NOS1: variants seen among roughly 807,000 people sequenced by gnomAD.
NOS1 encodes nitric oxide synthase 1.
NOS1 carries 51 observed loss-of-function variants against 164.5 expected under a neutral mutation model. The observed-to-expected ratio is 0.31, with a 90% CI of 0.25 to 0.39. The LOEUF is 0.39. Ranked by LOEUF, NOS1 falls within the 10% of genes least tolerant of loss-of-function variation. NOS1 has a pLI of 1.00. For synonymous variants in NOS1, 719 were observed against 745.8 expected, an observed-to-expected ratio of 0.96 and a Z score of 0.59; for missense variants, 1,362 against 1,885.6, an observed-to-expected ratio of 0.72 and a Z score of 5.14.
chr12:117,209,072 G>C lies in NOS1; in HGVS notation c.*6237C>G. 1 of 985,280 alleles carries C rather than the reference G, an allele frequency of 1.0e-6. No homozygotes were observed. Among genetic ancestry groups the C allele is most frequent in the Non-Finnish European group, 1.2e-6 (1 of 829,924 alleles). 61.0% of individuals were successfully genotyped at this position (985,280 alleles called of 1,614,324 possible). ...TGCCCTCCCCATGCCCCCTCCCCCGGACACCCTCAAATCCCACTTTGGCAG... is the reference window on the plus strand; with the variant it reads ...TGCCCTCCCCATGCCCCCTCCCCCGCACACCCTCAAATCCCACTTTGGCAG... On this transcript the variant is annotated 3_prime_UTR_variant, in exon 29 of 29. Coordinates refer to ENST00000317775, the MANE Select transcript of NOS1 (RefSeq NM_000620.5).
Position 117,235,385 on chromosome 12 carries a change from C to A in NOS1, c.3042-627G>T, listed in dbSNP as rs969473040. Among the ~76,000 whole-genome samples the A allele has an allele frequency of 2.6e-5, 4 of 152,112 alleles. No homozygotes were observed. In the East Asian group the frequency reaches 7.7e-4, roughly 29 times the overall value. ...GGATTCTAGCACCCCATTCTCAGTA[C>A]TAATAGGGGTTCTCTCAGTGTCTAG... On this transcript the variant is annotated intron_variant, in intron 20 of 28. Coordinates refer to ENST00000317775, the MANE Select transcript of NOS1 (RefSeq NM_000620.5).
intron 3 of NOS1, among the ~76,000 whole-genome samples, chr12:117,295,222 C>T (rs1436865991): frequency 6.6e-6 from 1 of 152,230 alleles, no homozygotes; most frequent in Non-Finnish European, 1.5e-5. Flanking sequence ...CAGAGATCTG[C>T]AGACGGCGTG....
rs1362877892 is a variant in NOS1 at position 117,268,117 on chromosome 12, T to C, written c.1867A>G (p.Met623Val). 6 of 1,613,894 alleles carry C rather than the reference T, an allele frequency of 3.7e-6. No homozygotes were observed. The East Asian group carries it at 6.7e-5, about 18-fold the overall frequency. The part of the protein sequence containing the change: ...EEVAKKMNLD[M>V]RKTSSLWKDQ... ...TTCCACAGGGAGGACGTCTTCCTCA[T>C]GTCTAAGTTCATCTTCTTGGCCACT... The change falls in exon 11 of 29, where the codon ATG becomes GTG. Residue 623 changes from methionine (M) to valine (V), a missense_variant. Transcript: ENST00000317775.
chr12:117,325,132 A>G (rs2136069088), intron 2 of NOS1, among the ~76,000 whole-genome samples: 1 of 152,240 alleles, frequency 6.6e-6, no homozygotes, highest in East Asian at 1.9e-4. Context: ...CTGTCACCCA[A>G]GTCAGTGGGT....
intron 3 of NOS1, among the ~76,000 whole-genome samples, chr12:117,305,411 C>T (rs1434295563): frequency 2.7e-5 from 4 of 149,038 alleles, no homozygotes; most frequent in Non-Finnish European, 5.9e-5. Flanking sequence ...TTGCAGTGAG[C>T]GGAGATCGCG....
chr12:117,272,648 T>C lies in NOS1; in HGVS notation c.1665-89A>G, dbSNP rs1444278323. On this transcript the variant is annotated intron_variant, in intron 9 of 28. Transcript: ENST00000317775. The surrounding 1 kb of genome is among the most constrained non-coding windows in gnomAD (Gnocchi z 4.3). ...TCTAGAGATGCTGAAATGCCAAGGA[T>C]GGACTGGGACTGACAAGGTCAGAAT... 1 of 1,288,702 alleles carries C rather than the reference T, an allele frequency of 7.8e-7. No homozygotes were observed. Among genetic ancestry groups the C allele is most frequent in the African/African-American group, 1.5e-5 (1 of 67,700 alleles). 79.8% of individuals were successfully genotyped at this position (1,288,702 alleles called of 1,614,324 possible).
Position 117,247,352 on chromosome 12 carries a change from A to G in NOS1, c.2819T>C (p.Phe940Ser). The change falls in exon 18 of 29, where the codon TTC (phenylalanine) becomes TCC (serine). Residue 940 changes from phenylalanine to serine, a missense_variant. Physicochemically the swap from Phe to Ser is radical, Grantham distance 155. Coordinates refer to ENST00000317775, the MANE Select transcript of NOS1 (RefSeq NM_000620.5). ...GGTCCATGAGATCCAGATTACCTTGAAGACCTTCTTGGCCCAGGTCCTGAA... is the reference window on the plus strand; with the variant it reads ...GGTCCATGAGATCCAGATTACCTTGGAGACCTTCTTGGCCCAGGTCCTGAA... ...EAFRTWAKKV[F>S]KAACDVFCVG... The G allele has an allele frequency of 6.3e-7, 1 of 1,598,744 alleles. No individual in the cohort carries two copies. Among genetic ancestry groups the G allele is most frequent in the Non-Finnish European group, 8.5e-7 (1 of 1,173,108 alleles).
chr12:117,324,587 C>T (rs1234339493), intron 2 of NOS1, among the ~76,000 whole-genome samples: 1 of 152,112 alleles, frequency 6.6e-6, no homozygotes, highest in Non-Finnish European at 1.5e-5. Flanking sequence ...AAACAATTAG[C>T]TGGGCATGGT....
intron 3 of NOS1, among the ~76,000 whole-genome samples, chr12:117,296,383 G>A (rs1416208766): frequency 6.6e-6 from 1 of 152,206 alleles, no homozygotes; most frequent in Non-Finnish European, 1.5e-5. Context: ...GACTGGGAAA[G>A]GCAGACCCAC....
chr12:117,263,575 CTATTAT>C (rs71099036), intron 13 of NOS1, among the ~76,000 whole-genome samples: 32,614 of 141,542 alleles, frequency 0.23, 4,028 homozygotes, highest in Admixed American at 0.37. Context: ...CAAGGTATTA[CTATTAT>C]TATTATTATT....
intron 1 of NOS1, among the ~76,000 whole-genome samples, chr12:117,341,694 G>A (rs499776): frequency 0.35 from 52,897 of 151,942 alleles, 9,549 homozygotes; most frequent in Middle Eastern, 0.45. Context: ...TGCTGTAAAT[G>A]CTGTGTGGGG....
At position 117,256,284 on chromosome 12, in the gene NOS1, G is replaced by GTTTTTTTTTTTTTTTTTTTTTTTTTTTT. The variant is rs57047376; in HGVS notation, c.2531+2112_2531+2113insAAAAAAAAAAAAAAAAAAAAAAAAAAAA. On this transcript the variant is annotated intron_variant, in intron 16 of 28. Coordinates refer to ENST00000317775, the MANE Select transcript of NOS1 (RefSeq NM_000620.5). Reference sequence around the variant, plus strand: ...CAAAGAAAATCAGAAGGGATTTTCTGTTTTTTTTTTTTGAGACGGAGTCTC... The same window carrying GTTTTTTTTTTTTTTTTTTTTTTTTTTTT: ...CAAAGAAAATCAGAAGGGATTTTCTGTTTTTTTTTTTTTTTTTTTTTTTTTTTTTTTTTTTTTTTTGAGACGGAGTCTC... Among the ~76,000 whole-genome samples, 19 of 118,442 alleles carry GTTTTTTTTTTTTTTTTTTTTTTTTTTTT rather than the reference G, an allele frequency of 1.6e-4. 3 individuals are homozygous for GTTTTTTTTTTTTTTTTTTTTTTTTTTTT. The highest frequency in any genetic ancestry group is 6.5e-4 in the African/African-American group (17 of 26,150). The allele number at this position is 118,442 out of a possible 152,430, so 77.7% of individuals were successfully genotyped here. A position where few individuals can be genotyped will look rare whatever the true frequency, so the allele number is the denominator to read the frequency against.
chr12:117,289,888 A>G (rs946915249), intron 4 of NOS1, among the ~76,000 whole-genome samples: 1 of 152,104 alleles, frequency 6.6e-6, no homozygotes, highest in African/African-American at 2.4e-5. Flanking sequence ...ATTAAGGCCC[A>G]CTGTTTTACT....
intron 26 of NOS1, among the ~76,000 whole-genome samples, chr12:117,220,513 A>T (rs984303117): frequency 6.6e-6 from 1 of 152,186 alleles, no homozygotes; most frequent in African/African-American, 2.4e-5. Context: ...CAGCTCTGCT[A>T]AGGACCCTCC....
At chr12:117,221,587 ATTTG>A (rs1050718808) in intron 26 of NOS1, among the ~76,000 whole-genome samples, 3 of 149,778 alleles carry the variant, frequency 2.0e-5, no homozygotes, top group African/African-American at 7.4e-5. Context: ...CCCGGCCTAA[ATTTG>A]TTTTTTTTAA....
At chr12:117,322,256 C>T (rs2136065885) in intron 2 of NOS1, among the ~76,000 whole-genome samples, 3 of 128,096 alleles carry the variant, frequency 2.3e-5, no homozygotes, top group East Asian at 2.8e-4. Flanking sequence ...CCTTCCCTCC[C>T]TCCTTTCCCT....
At chr12:117,347,953 G>A (rs547305899) in intron 1 of NOS1, 22 of 151,988 alleles carry the variant, frequency 1.4e-4, no homozygotes, top group Non-Finnish European at 2.5e-4. Context: ...ATTCTAACAG[G>A]AGCTGAGTGG....
Position 117,311,584 on chromosome 12 carries a change from T to A in NOS1, c.734A>T (p.Asp245Val), listed in dbSNP as rs1354166567. Residue 245 changes from aspartate (D) to valine (V), a missense_variant, in exon 3 of 29, where the codon GAC becomes GTC. Asp to Val is a radical substitution (Grantham distance 152). This residue lies in a region of NOS1 where 362 missense variants were observed against 402.0 expected (regional missense o/e 0.90). Coordinates refer to ENST00000317775, the MANE Select transcript of NOS1 (RefSeq NM_000620.5). ...DMGIQVDRDL[D>V]GKSHKPLPLG... ...GGGCAGAGGTTTGTGTGACTTGCCG[T>A]CCAAATCTCTGAAAGGCAAGGTGGG... is the stretch of plus-strand genomic sequence containing the variant. 1 of 1,610,378 alleles carries A rather than the reference T, an allele frequency of 6.2e-7. No homozygotes were observed. Among genetic ancestry groups the A allele is most frequent in the African/African-American group, 1.3e-5 (1 of 74,886 alleles).
chr12:117,244,788 G>A (rs981683634), intron 18 of NOS1, among the ~76,000 whole-genome samples: 1 of 152,180 alleles, frequency 6.6e-6, no homozygotes, highest in African/African-American at 2.4e-5. Context: ...CTAAGTGAAA[G>A]AAGTCAGTCA....
Sources: allele counts gnomAD v4.1 joint callset (sites outside exome capture counted in the v4.1 genomes callset), GRCh38; gene constraint gnomAD v4.1.1; regional missense constraint gnomAD v4.1.1; non-coding constraint Gnocchi (gnomAD v3.1); transcripts MANE v1.5; gene names NCBI Gene and HGNC (gene_info 2026-07-23, HGNC 2026-07-21).